The following LRFN3 variants were observed in gnomAD, a reference collection of about 807,000 sequenced individuals.
LRFN3 encodes the protein leucine rich repeat and fibronectin type III domain containing 3, also known as leucine-rich repeat and fibronectin type-III domain-containing protein 3.
Under a neutral mutation model 23.8 loss-of-function variants are expected in LRFN3, and 8 were observed. That is an observed-to-expected ratio of 0.34 (90% CI 0.20 to 0.61). LRFN3 has a LOEUF of 0.61. LRFN3 is among the 20% of genes least tolerant of loss of function. The pLI is 0.80. For missense variants in LRFN3, 736 were observed against 935.3 expected (o/e 0.79, Z 2.78); for synonymous variants, 451 against 450.6 (o/e 1.00, Z -0.01).
chr19:35,938,532 A>G (rs999426900), intron 1 of LRFN3, among the ~76,000 whole-genome samples: 14 of 151,334 alleles, frequency 9.3e-5, no homozygotes, highest in African/African-American at 3.2e-4. Flanking sequence ...CTCCTCTCTC[A>G]CTTGCTGATG....
chr19:35,943,793 T>C (rs997313416), intron 2 of LRFN3, among the ~76,000 whole-genome samples: 1 of 151,748 alleles, frequency 6.6e-6, no homozygotes, highest in Admixed American at 6.6e-5. Flanking sequence ...AGGCAGAGGA[T>C]TGGGGCAAAA....
In LRFN3 at chr19:35,940,838, C is replaced by T. The variant is rs1976112897; in HGVS notation, c.1413C>T (p.Tyr471=). The change falls in exon 2 of 3, where the codon TAC becomes TAT. Residue 471 remains tyrosine (Y), a splice_region_variant and synonymous_variant. Coordinates refer to ENST00000246529, the MANE Select transcript of LRFN3 (RefSeq NM_024509.2). ...YNSSADDILV[Y]RMIPAESRSF... is the part of the protein sequence containing the mutation. ...GCTCGGCTGATGACATCCTCGTCTA[C>T]AGGTGCAGGGTCCAGGCACTGGGGT... is the stretch of plus-strand genomic sequence containing the variant. 3 of 1,559,716 alleles carry T rather than the reference C, an allele frequency of 1.9e-6. No homozygotes were observed. Among genetic ancestry groups the T allele is most frequent in the African/African-American group, 1.3e-5 (1 of 74,128 alleles).
rs1057265 is a variant in LRFN3, at chr19:35,939,896, A to G, written c.471A>G (p.Thr157=). Residue 157 remains threonine, a synonymous_variant, in exon 2 of 3, where the codon ACA becomes ACG. Transcript: ENST00000246529. The surrounding 1 kb of genome is among the most constrained non-coding windows in gnomAD (Gnocchi z 6.4). ...GCGCCCTGGATGATTGTGCCGAGACACTGGAGGACCTCGACCTCTCCTACA... is the reference window on the plus strand; with the variant it reads ...GCGCCCTGGATGATTGTGCCGAGACGCTGGAGGACCTCGACCTCTCCTACA... ...AAGALDDCAE[T]LEDLDLSYNN... is the part of the protein sequence containing the mutation. The G allele has an allele frequency of 0.057, 91,983 of 1,602,074 alleles. 6,338 individuals are homozygous for G. The highest frequency in any genetic ancestry group is 0.34 in the African/African-American group (25,209 of 74,944).
At position 35,944,538 on chromosome 19, in the gene LRFN3, T is replaced by C; in HGVS notation, c.1416-10T>C. 7.0e-7 allele frequency: 1 copy of C among 1,431,612 alleles called. No individual in the cohort carries two copies. The highest frequency in any genetic ancestry group is 9.1e-7 in the Non-Finnish European group (1 of 1,097,510). The allele number at this position is 1,431,612 out of a possible 1,614,324, so 88.7% of individuals were successfully genotyped here. Reference sequence around the variant, plus strand: ...GCCTGAGACCTGACCCCCACCTGCCTGCCCTGCAGGATGATCCCGGCGGAG... The same window carrying C: ...GCCTGAGACCTGACCCCCACCTGCCCGCCCTGCAGGATGATCCCGGCGGAG... On this transcript the variant is annotated splice_polypyrimidine_tract_variant and intron_variant, in intron 2 of 2. Coordinates refer to ENST00000246529, the MANE Select transcript of LRFN3 (RefSeq NM_024509.2). The surrounding 1 kb of genome is among the most constrained non-coding windows in gnomAD (Gnocchi z 4.5).
rs1451883286 is a variant in LRFN3 at position 35,946,233 on chromosome 19, T to C, written c.*1214T>C. The stretch of plus-strand genomic sequence containing the variant: ...CCTGGTCTGAGGCTGAAGCTGGAAA[T>C]AGAAATGAGGGCTTTGTCAGCAGAG... On this transcript the variant is annotated 3_prime_UTR_variant, in exon 3 of 3. Transcript: ENST00000246529. Among the ~76,000 whole-genome samples the C allele has an allele frequency of 6.6e-6, 1 of 151,910 alleles. No individual in the cohort carries two copies. Among genetic ancestry groups the C allele is most frequent in the Admixed American group, 6.6e-5 (1 of 15,254 alleles).
intron 1 of LRFN3, among the ~76,000 whole-genome samples, chr19:35,938,064 C>T (rs1976076350): frequency 6.6e-6 from 1 of 152,190 alleles, no homozygotes. Context: ...TCCTTCTCCA[C>T]CCCTGAATCT....
In LRFN3 at chr19:35,946,452, G is replaced by C. The variant is rs1363005621; in HGVS notation, c.*1433G>C. On this transcript the variant is annotated 3_prime_UTR_variant, in exon 3 of 3. Coordinates refer to ENST00000246529, the MANE Select transcript of LRFN3 (RefSeq NM_024509.2). Reference sequence around the variant, plus strand: ...CCTGAATTGCTGGGATTACAGGCATGAGCCACTGCCCCTGGCTAGGGACTT... The same window carrying C: ...CCTGAATTGCTGGGATTACAGGCATCAGCCACTGCCCCTGGCTAGGGACTT... 6.6e-6 allele frequency among the ~76,000 whole-genome samples: 1 copy of C among 151,814 alleles called. No individual in the cohort carries two copies. The highest frequency in any genetic ancestry group is 2.4e-5 in the African/African-American group (1 of 41,286).
chr19:35,942,873 C>CA (rs1275774543), intron 2 of LRFN3, among the ~76,000 whole-genome samples: 3 of 151,962 alleles, frequency 2.0e-5, no homozygotes, highest in Non-Finnish European at 4.4e-5. Flanking sequence ...ACTAAAAATA[C>CA]AAAAAATTAG....
In LRFN3 at chr19:35,940,792, T is replaced by A; in HGVS notation, c.1367T>A (p.Met456Lys). The change falls in exon 2 of 3, where the codon ATG becomes AAG. Residue 456 changes from methionine to lysine, a missense_variant. This residue lies in a region of LRFN3 where 290 missense variants were observed against 287.4 expected (regional missense o/e 1.01). Transcript: ENST00000246529. ...CAGCGGCCTATCCCGGGCATCCGCA[T>A]GTACCAGATCCAGTACAACAGCTCG... ...PDQRPIPGIR[M>K]YQIQYNSSAD... The A allele has an allele frequency of 2.5e-6, 4 of 1,606,684 alleles. No homozygotes were observed. The highest frequency in any genetic ancestry group is 3.4e-6 in the Non-Finnish European group (4 of 1,175,094).
rs145694204 is a variant in LRFN3, at chr19:35,945,953, T to G, written c.*934T>G. On this transcript the variant is annotated 3_prime_UTR_variant, in exon 3 of 3. Coordinates refer to ENST00000246529, the MANE Select transcript of LRFN3 (RefSeq NM_024509.2). ...GGGACCTGGGTGGGTGAGGACGAAG[T>G]TGGACCAGCTGGGCTAGGGAACAAG... 3.9e-5 allele frequency among the ~76,000 whole-genome samples: 6 copies of G among 151,912 alleles called. 1 individual carries two copies. Among genetic ancestry groups the G allele is most frequent in the South Asian group, 4.2e-4 (2 of 4,812 alleles).
In LRFN3 at chr19:35,945,279, C is replaced by T. The variant is rs2145304275; in HGVS notation, c.*260C>T. ...GGGGAATGCCTCCTTTGGGGAGACA[C>T]CCCCTCCCCGCCCAGTTCAGTCTGA... On this transcript the variant is annotated 3_prime_UTR_variant, in exon 3 of 3. Coordinates refer to ENST00000246529, the MANE Select transcript of LRFN3 (RefSeq NM_024509.2). 2.7e-6 allele frequency: 1 copy of T among 373,766 alleles called. No homozygotes were observed. Among genetic ancestry groups the T allele is most frequent in the South Asian group, 7.5e-5 (1 of 13,410 alleles). The allele number at this position is 373,766 out of a possible 1,614,324, so 23.2% of individuals were successfully genotyped here.
rs1244829189 is a variant in LRFN3, at chr19:35,940,034, G to C, written c.609G>C (p.Leu203=). ...TGCCCGCCGGCGCTTTTTCCCGCCT[G>C]CACAAGCTGGCCCGGCTGGACATGA... is the stretch of plus-strand genomic sequence containing the variant. The part of the protein sequence containing the change: ...ASVPAGAFSR[L]HKLARLDMTS... The change falls in exon 2 of 3, where the codon CTG becomes CTC. Residue 203 remains leucine, a synonymous_variant. Transcript: ENST00000246529. 1 of 1,612,528 alleles carries C rather than the reference G, an allele frequency of 6.2e-7. No individual in the cohort carries two copies.
chr19:35,940,030 G>T lies in LRFN3; in HGVS notation c.605G>T (p.Arg202Leu), dbSNP rs200697946. 1.9e-6 allele frequency: 3 copies of T among 1,612,418 alleles called. No homozygotes were observed. The highest frequency in any genetic ancestry group is 1.1e-5 in the South Asian group (1 of 91,080). ...LASVPAGAFS[R>L]LHKLARLDMT... ...TCTGTGCCCGCCGGCGCTTTTTCCC[G>T]CCTGCACAAGCTGGCCCGGCTGGAC... is the stretch of plus-strand genomic sequence containing the variant. The change falls in exon 2 of 3, where the codon CGC becomes CTC. Residue 202 changes from arginine to leucine, a missense_variant. Coordinates refer to ENST00000246529, the MANE Select transcript of LRFN3 (RefSeq NM_024509.2).
chr19:35,943,639 G>A (rs1417159508), intron 2 of LRFN3, among the ~76,000 whole-genome samples: 1 of 152,126 alleles, frequency 6.6e-6, no homozygotes. Context: ...GCGTCTGGAG[G>A]AGACTGGGAG....
In LRFN3 at chr19:35,940,824, G is replaced by T; in HGVS notation, c.1399G>T (p.Asp467Tyr). The stretch of plus-strand genomic sequence containing the variant: ...GATCCAGTACAACAGCTCGGCTGAT[G>T]ACATCCTCGTCTACAGGTGCAGGGT... ...YQIQYNSSAD[D>Y]ILVYRMIPAE... The change falls in exon 2 of 3, where the codon GAC (aspartate) becomes TAC (tyrosine). Residue 467 changes from aspartate (D) to tyrosine (Y), a missense_variant. Physicochemically the swap from Asp to Tyr is radical, Grantham distance 160 (BLOSUM62 -3). Transcript: ENST00000246529. The T allele has an allele frequency of 5.1e-6, 8 of 1,575,134 alleles. No homozygotes were observed. Among genetic ancestry groups the T allele is most frequent in the South Asian group, 1.2e-5 (1 of 86,740 alleles).
At chr19:35,943,128 G>A (rs971699087) in intron 2 of LRFN3, among the ~76,000 whole-genome samples, 8 of 151,982 alleles carry the variant, frequency 5.3e-5, no homozygotes, top group Admixed American at 3.3e-4. Flanking sequence ...AGGCGGCCAC[G>A]GAGTTCCCTG....
chr19:35,942,433 A>G (rs1048897432), intron 2 of LRFN3, among the ~76,000 whole-genome samples: 1 of 152,104 alleles, frequency 6.6e-6, no homozygotes, highest in Non-Finnish European at 1.5e-5. Context: ...TGCTGTTGAC[A>G]CCTCTTACCA....
In LRFN3 at chr19:35,942,830, C is replaced by T. The variant is rs903340574; in HGVS notation, c.1416-1718C>T. ...GGATCACCAGGTCAGGAGTTTGAGA[C>T]CATCCTGGCTAACACGGTGAAACCT... On this transcript the variant is annotated intron_variant, in intron 2 of 2. Coordinates refer to ENST00000246529, the MANE Select transcript of LRFN3 (RefSeq NM_024509.2). 7.2e-5 allele frequency among the ~76,000 whole-genome samples: 11 copies of T among 152,084 alleles called. No homozygotes were observed. In the South Asian group the frequency reaches 1.0e-3, roughly 14 times the overall value.
chr19:35,941,075 C>T (rs1365762737), intron 2 of LRFN3, among the ~76,000 whole-genome samples: 6 of 151,940 alleles, frequency 3.9e-5, no homozygotes, highest in Non-Finnish European at 7.4e-5. Flanking sequence ...ACAAGAAGGA[C>T]GAAGTAAATG....
Sources: gnomAD v4.1 joint callset for allele counts (sites outside exome capture counted in the v4.1 genomes callset) on GRCh38, gnomAD v4.1.1 for gene constraint, gnomAD v4.1.1 regional missense constraint, Gnocchi (gnomAD v3.1) non-coding constraint, MANE v1.5 for transcripts, NCBI Gene and HGNC (gene_info 2026-07-23, HGNC 2026-07-21) for gene names.